The following NCALD variants were observed in gnomAD, a reference collection of about 807,000 sequenced individuals.
NCALD encodes neurocalcin-delta.
In NCALD, 10 loss-of-function variants were observed where a neutral mutation model predicts 18.6. The ratio of observed to expected loss-of-function variants is 0.54; its 90% CI spans 0.33 to 0.91. The LOEUF is 0.91. Among genes scored for constraint, NCALD ranks in the 40% least tolerant of loss-of-function variants. The probability of loss-of-function intolerance (pLI) is 0.03; values close to 1 mark genes in which losing one functional copy is unlikely to be tolerated. For synonymous variants in NCALD, 88 were observed against 87.4 expected, an observed-to-expected ratio of 1.01 and a Z score of -0.04; for missense variants, 184 against 247.6, an observed-to-expected ratio of 0.74 and a Z score of 1.72.
chr8:101,775,689 G>T (rs566257046), intron 1 of NCALD, among the ~76,000 whole-genome samples: 1 of 152,294 alleles, frequency 6.6e-6, no homozygotes, highest in African/African-American at 2.4e-5. Flanking sequence ...CTCAGATCCA[G>T]ATGGAGGTTG....
At chr8:101,917,303 A>G (rs1051191265) in intron 2 of NCALD, among the ~76,000 whole-genome samples, 1 of 152,112 alleles carries the variant, frequency 6.6e-6, no homozygotes, top group South Asian at 2.1e-4. Context: ...AAATGAAAAC[A>G]GAGATTCAAC....
At chr8:101,706,837 T>C (rs1462094739) in intron 2 of NCALD, among the ~76,000 whole-genome samples, 1 of 152,246 alleles carries the variant, frequency 6.6e-6, no homozygotes, top group East Asian at 1.9e-4. Context: ...GATACCATAC[T>C]TGATTTGACT....
chr8:101,755,752 G>A (rs1239874900), intron 1 of NCALD, among the ~76,000 whole-genome samples: 1 of 152,120 alleles, frequency 6.6e-6, no homozygotes, highest in Non-Finnish European at 1.5e-5. Context: ...ACACTCCTTT[G>A]TAAACAGCAA....
In NCALD at chr8:102,064,090, A is replaced by G. The variant is rs180816563; in HGVS notation, c.-209-43801T>C. Among the ~76,000 whole-genome samples the G allele has an allele frequency of 2.9e-4, 44 of 152,324 alleles. No individual in the cohort carries two copies. In the Middle Eastern group the frequency reaches 0.01, roughly 35 times the overall value. ...GATAAATGTTCCAACATGAATTTCT[A>G]AACATAAACAACCTCAAACAAGGCA... On this transcript the variant is annotated intron_variant, in intron 1 of 6. Coordinates refer to the NCALD transcript ENST00000311028.
At chr8:101,917,607 T>C (rs1265008268) in intron 2 of NCALD, among the ~76,000 whole-genome samples, 1 of 146,876 alleles carries the variant, frequency 6.8e-6, no homozygotes. Flanking sequence ...AAAAAAAAGA[T>C]ACAAATAAGC....
Position 101,886,358 on chromosome 8 carries a change from T to C in NCALD, c.-20+783A>G, listed in dbSNP as rs189421081. 1.7e-4 allele frequency among the ~76,000 whole-genome samples: 26 copies of C among 152,338 alleles called. No homozygotes were observed. In the East Asian group the frequency reaches 4.0e-3, roughly 24 times the overall value. On this transcript the variant is annotated intron_variant, in intron 4 of 6. Transcript: ENST00000311028. The stretch of plus-strand genomic sequence containing the variant: ...CCATTTATTTTATTTTCTCCATTTG[T>C]TCCTCATACACAACTGTTTGACCAA...
At chr8:101,711,994 G>A (rs1045885988) in intron 2 of NCALD, among the ~76,000 whole-genome samples, 4 of 151,964 alleles carry the variant, frequency 2.6e-5, no homozygotes, top group Non-Finnish European at 4.4e-5. Context: ...TTGAAATGAA[G>A]GAAAAAATAT....
intron 1 of NCALD, among the ~76,000 whole-genome samples, chr8:101,723,879 A>G (rs1047777402): frequency 6.6e-6 from 1 of 152,076 alleles, no homozygotes; most frequent in Non-Finnish European, 1.5e-5. Context: ...GAAAGCTAAT[A>G]TATCTTTTCA....
intron 2 of NCALD, among the ~76,000 whole-genome samples, chr8:101,996,496 A>G (rs560945418): frequency 1.3e-5 from 2 of 152,336 alleles, no homozygotes; most frequent in South Asian, 4.1e-4. Flanking sequence ...TCACAACAAT[A>G]TCTTCTTTGG....
chr8:102,000,048 G>C (rs2132021012), intron 2 of NCALD, among the ~76,000 whole-genome samples: 1 of 152,302 alleles, frequency 6.6e-6, no homozygotes, highest in African/African-American at 2.4e-5. Flanking sequence ...CAGGACAGTG[G>C]GTCCAGCGCA....
intron 4 of NCALD, among the ~76,000 whole-genome samples, chr8:101,814,790 A>G (rs1196095234): frequency 6.6e-6 from 1 of 152,136 alleles, no homozygotes; most frequent in East Asian, 1.9e-4. Context: ...ACTTTTTTAT[A>G]TACCACCAAT....
rs529793704 is a variant in NCALD, at chr8:102,077,749, G to C, written c.-210+46488C>G. 7.2e-5 allele frequency among the ~76,000 whole-genome samples: 11 copies of C among 152,274 alleles called. No homozygotes were observed. The South Asian group carries it at 2.3e-3, about 32-fold the overall frequency. ...AGGGGCCCTACACCTTGGTGGGCCA[G>C]ATATCAGTTGAATTCACTGTCTCTG... is the stretch of plus-strand genomic sequence containing the variant. On this transcript the variant is annotated intron_variant, in intron 1 of 6. Coordinates refer to the NCALD transcript ENST00000311028.
At chr8:101,868,187 C>A (rs1399891302) in intron 4 of NCALD, among the ~76,000 whole-genome samples, 2 of 152,078 alleles carry the variant, frequency 1.3e-5, no homozygotes, top group Admixed American at 1.3e-4. Flanking sequence ...CAGCATCTGG[C>A]CCCTGCTCTG....
intron 1 of NCALD, among the ~76,000 whole-genome samples, chr8:101,779,252 T>C (rs1298114801): frequency 6.6e-6 from 1 of 152,170 alleles, no homozygotes; most frequent in African/African-American, 2.4e-5. Flanking sequence ...CCAGTTGTGA[T>C]GGAAAGAAAT....
intron 1 of NCALD, among the ~76,000 whole-genome samples, chr8:101,771,946 A>T (rs16868410): frequency 6.6e-6 from 1 of 152,240 alleles, no homozygotes; most frequent in African/African-American, 2.4e-5. Context: ...ATTATGTGCC[A>T]GACAGAATAT....
intron 2 of NCALD, among the ~76,000 whole-genome samples, chr8:101,972,183 C>T (rs77036559): frequency 2.2e-4 from 33 of 152,154 alleles, no homozygotes; most frequent in East Asian, 1.9e-4. Context: ...GTCAAGAACA[C>T]GGAAAAAAAT....
Position 102,106,093 on chromosome 8 carries a change from G to A in NCALD, c.-210+18144C>T, listed in dbSNP as rs543147940. 3.0e-3 allele frequency among the ~76,000 whole-genome samples: 452 copies of A among 149,312 alleles called. 5 individuals carry two copies. The highest frequency in any genetic ancestry group is 5.0e-3 in the Non-Finnish European group (340 of 67,540). Reference sequence around the variant, plus strand: ...CAACAATTTTTTTTTTTTTTGAGATGGAGTTTCACGCTGTCAACCAGGCTG... The same window carrying A: ...CAACAATTTTTTTTTTTTTTGAGATAGAGTTTCACGCTGTCAACCAGGCTG... On this transcript the variant is annotated intron_variant, in intron 1 of 6. Transcript: ENST00000311028.
intron 2 of NCALD, among the ~76,000 whole-genome samples, chr8:101,944,615 C>G (rs1819096906): frequency 1.3e-5 from 2 of 152,232 alleles, no homozygotes; most frequent in South Asian, 4.1e-4. Flanking sequence ...CCTGAGATCC[C>G]TTTTCCCATT....
intron 1 of NCALD, among the ~76,000 whole-genome samples, chr8:102,023,851 T>G (rs1165618548): frequency 2.0e-5 from 3 of 152,190 alleles, no homozygotes; most frequent in Non-Finnish European, 4.4e-5. Flanking sequence ...CTAGCTGTGT[T>G]TCCGTCTCAA....
Sources: gnomAD v4.1 joint callset for allele counts (sites outside exome capture counted in the v4.1 genomes callset) on GRCh38, gnomAD v4.1.1 for gene constraint, MANE v1.5 for transcripts, NCBI Gene and HGNC (gene_info 2026-07-23, HGNC 2026-07-21) for gene names.